Variants in SERPING1 observed in about 807,000 individuals in gnomAD.
SERPING1 encodes the protein plasma protease C1 inhibitor.
In SERPING1, 5 loss-of-function variants were observed where a neutral mutation model predicts 34.1. The ratio of observed to expected loss-of-function variants is 0.15; its 90% CI spans 0.08 to 0.31. The LOEUF (loss-of-function observed/expected upper bound fraction) is 0.31, where lower values mean the gene tolerates loss of function less well. Ranked by LOEUF, SERPING1 falls within the 10% of genes least tolerant of loss-of-function variation. The pLI is 1.00. For missense variants in SERPING1, 505 were observed against 609.5 expected (o/e 0.83, Z 1.81); for synonymous variants, 225 against 242.4 (o/e 0.93, Z 0.67).
chr11:57,601,937 G>T, intron 3 of SERPING1, 98 bp from the exon 4 acceptor site: 1 of 1,331,492 alleles, frequency 7.5e-7, no homozygotes, highest in Non-Finnish European at 1.1e-6. Flanking sequence ...TCCAAAGCAG[G>T]GAATACCCTC....
At position 57,603,746 on chromosome 11, in the gene SERPING1, G is replaced by A. The variant is rs538915147; in HGVS notation, c.685+1577G>A. Among the ~76,000 whole-genome samples the A allele has an allele frequency of 5.9e-5, 9 of 151,292 alleles. No individual in the cohort carries two copies. In the East Asian group the frequency reaches 1.6e-3, roughly 26 times the overall value. On this transcript the variant is annotated intron_variant, in intron 4 of 7. Transcript: ENST00000278407. ...CCCAACTACTTGGGAGGCTGAGGCA[G>A]GAGAATGGCATGAACCCGGGAGGCG...
intron 6 of SERPING1, among the ~76,000 whole-genome samples, chr11:57,610,433 A>C (rs931236103): frequency 1.3e-5 from 2 of 152,204 alleles, no homozygotes; most frequent in Admixed American, 1.3e-4. Context: ...GAGTATATCC[A>C]ACTTGAGTGC....
chr11:57,608,430 A>G (rs1945436886), intron 6 of SERPING1, among the ~76,000 whole-genome samples: 1 of 152,218 alleles, frequency 6.6e-6, no homozygotes, highest in Non-Finnish European at 1.5e-5. Flanking sequence ...GACATATAAT[A>G]TCAATAATAA....
In SERPING1 at chr11:57,598,932, C is replaced by CAT. The variant is rs1945317140; in HGVS notation, c.51+611_51+612insAT. 4.6e-5 allele frequency among the ~76,000 whole-genome samples: 7 copies of CAT among 150,836 alleles called. No homozygotes were observed. The South Asian group carries it at 1.5e-3, about 32-fold the overall frequency. ...AGGTAGGTAGGGGTGTGTGTATGTG[C>CAT]GTGTGTGTGTGTGTGCACGCGCAAG... On this transcript the variant is annotated intron_variant, in intron 2 of 7. Coordinates refer to ENST00000278407, the MANE Select transcript of SERPING1 (RefSeq NM_000062.3).
chr11:57,611,347 C>A, intron 6 of SERPING1: 1 of 316,420 alleles, frequency 3.2e-6, no homozygotes, highest in Non-Finnish European at 6.1e-6. Context: ...TTTACAGAGG[C>A]TGACCTGATA....
chr11:57,603,049 A>G (rs1945368808), intron 4 of SERPING1, among the ~76,000 whole-genome samples: 1 of 151,910 alleles, frequency 6.6e-6, no homozygotes. Context: ...CCTGGCCAAC[A>G]TGGCAAAACC....
At position 57,609,329 on chromosome 11, in the gene SERPING1, A is replaced by C. The variant is rs548542828; in HGVS notation, c.1030-2388A>C. ...TACAGTGGCTCACGCCTGTAATCCC[A>C]GCACTTTGGGAGGCCGAGGCAGGTG... is the stretch of plus-strand genomic sequence containing the variant. On this transcript the variant is annotated intron_variant, in intron 6 of 7. Transcript: ENST00000278407. Among the ~76,000 whole-genome samples, 6 of 152,314 alleles carry C rather than the reference A, an allele frequency of 3.9e-5. 1 individual carries two copies. The South Asian group carries it at 1.2e-3, about 32-fold the overall frequency.
intron 3 of SERPING1, among the ~76,000 whole-genome samples, chr11:57,600,689 G>A (rs1345149314): frequency 2.0e-5 from 3 of 152,178 alleles, no homozygotes; most frequent in Non-Finnish European, 2.9e-5. Context: ...AGTGGCTCAC[G>A]CCTGTAATCC....
Position 57,599,879 on chromosome 11 carries a change from G to C in SERPING1, c.52G>C (p.Asp18His). Reference protein sequence around the residue: ...LTLLLLLLAGDRASSNPNATS... With the variant: ...LTLLLLLLAGHRASSNPNATS... ...TGAAACTCAGTTTCTTGAACCACAG[G>C]ATAGAGCCTCCTCAAATCCAAATGC... Residue 18 changes from aspartate to histidine, a missense_variant and splice_region_variant, in exon 3 of 8, where the codon GAT (aspartate) becomes CAT (histidine). Transcript: ENST00000278407. 1 of 1,614,140 alleles carries C rather than the reference G, an allele frequency of 6.2e-7. No individual in the cohort carries two copies. Among genetic ancestry groups the C allele is most frequent in the Non-Finnish European group, 8.5e-7 (1 of 1,180,032 alleles).
chr11:57,598,457 G>A (rs1945312616), intron 2 of SERPING1, 136 bp downstream of exon 2: 2 of 844,736 alleles, frequency 2.4e-6, no homozygotes, highest in African/African-American at 3.4e-5. Flanking sequence ...CATTGAGTGT[G>A]ATCCTTGCAC....
intron 7 of SERPING1, among the ~76,000 whole-genome samples, chr11:57,612,709 G>A (rs1380746477): frequency 4.0e-5 from 6 of 151,562 alleles, no homozygotes; most frequent in South Asian, 2.1e-4. Flanking sequence ...GAGTCACCGC[G>A]CCCAGCCCAG....
At chr11:57,604,539 C>T (rs1375739349) in intron 4 of SERPING1, among the ~76,000 whole-genome samples, 4 of 151,982 alleles carry the variant, frequency 2.6e-5, no homozygotes, top group African/African-American at 9.7e-5. Context: ...CACCCAGCCT[C>T]AGCCAGGGTC....
chr11:57,611,633 C>T (rs1342880340), intron 6 of SERPING1, 84 bp from the exon 7 acceptor site: 22 of 1,258,830 alleles, frequency 1.7e-5, no homozygotes, highest in Non-Finnish European at 2.0e-5. Context: ...TGGGAGCAGA[C>T]TGCAGGACAG....
In SERPING1 at chr11:57,606,173, C is replaced by T. The variant is rs143760635; in HGVS notation, c.849C>T (p.Ser283=). ...KISRLLDSLP[S]DTRLVLLNAI... is the part of the protein sequence containing the mutation. ...GCCGGCTGCTAGACAGTCTGCCCTC[C>T]GATACCCGCCTTGTCCTCCTCAATG... Residue 283 remains serine, a synonymous_variant, in exon 5 of 8, where the codon TCC becomes TCT. Transcript: ENST00000278407. The T allele has an allele frequency of 1.2e-3, 2,003 of 1,614,116 alleles. 3 individuals carry two copies. The highest frequency in any genetic ancestry group is 1.6e-3 in the Non-Finnish European group (1,860 of 1,180,012).
chr11:57,606,741 G>A, intron 6 of SERPING1, 194 bp downstream of exon 6: 2 of 738,372 alleles, frequency 2.7e-6, no homozygotes, highest in Non-Finnish European at 4.8e-6. Flanking sequence ...GTATATTTTA[G>A]GCTGGAAACA....
rs766147905 is a variant in SERPING1 at position 57,600,370 on chromosome 11, C to T, written c.543C>T (p.Val181=). 3.7e-6 allele frequency: 6 copies of T among 1,612,396 alleles called. No homozygotes were observed. In the East Asian group the frequency reaches 1.3e-4, roughly 36 times the overall value. ...GCATCGCCAGCCTCCTTACCCAGGT[C>T]CTGCTCGGTAAGACCCTGCTTGAAT... ...PFSIASLLTQ[V]LLGAGENTKT... is the part of the protein sequence containing the mutation. Residue 181 remains valine (V), a synonymous_variant, in exon 3 of 8, where the codon GTC becomes GTT. Coordinates refer to ENST00000278407, the MANE Select transcript of SERPING1 (RefSeq NM_000062.3).
chr11:57,613,325 G>A (rs907391472), intron 7 of SERPING1, among the ~76,000 whole-genome samples: 1 of 152,102 alleles, frequency 6.6e-6, no homozygotes, highest in Non-Finnish European at 1.5e-5. Flanking sequence ...TGCAGTTTAA[G>A]TGCTCCGCCC....
chr11:57,614,611 T>C lies in SERPING1; in HGVS notation c.*30T>C, dbSNP rs1485927631. ...TGCAGGATCAGGTTAGGGCGAGCGCTACCTCTCCAGCCTCAGCTCTCAGTT... is the reference window on the plus strand; with the variant it reads ...TGCAGGATCAGGTTAGGGCGAGCGCCACCTCTCCAGCCTCAGCTCTCAGTT... On this transcript the variant is annotated 3_prime_UTR_variant, in exon 8 of 8. Transcript: ENST00000278407. The C allele has an allele frequency of 1.4e-5, 22 of 1,607,568 alleles. No homozygotes were observed. The highest frequency in any genetic ancestry group is 1.8e-5 in the Non-Finnish European group (21 of 1,179,100).
At chr11:57,598,498 G>A (rs1945313044) in intron 2 of SERPING1, among the ~76,000 whole-genome samples, 177 bp downstream of exon 2, 1 of 152,180 alleles carries the variant, frequency 6.6e-6, no homozygotes, top group Non-Finnish European at 1.5e-5. Context: ...AAGAGCTCAG[G>A]ACTCAGACAG....
Sources: allele counts gnomAD v4.1 joint callset (sites outside exome capture counted in the v4.1 genomes callset), GRCh38; gene constraint gnomAD v4.1.1; transcripts MANE v1.5; gene names NCBI Gene and HGNC (gene_info 2026-07-23, HGNC 2026-07-21).